ARHGEF26: variants seen among roughly 807,000 people sequenced by gnomAD.
The protein encoded by ARHGEF26 is Rho guanine nucleotide exchange factor (GEF) 26.
Under a neutral mutation model 89.4 loss-of-function variants are expected in ARHGEF26, and 59 were observed. The observed-to-expected ratio is 0.66, with a 90% CI of 0.54 to 0.82. The LOEUF is 0.82. Ranked by LOEUF, ARHGEF26 falls within the 40% of genes least tolerant of loss-of-function variation. ARHGEF26 has a pLI of 0.00. For synonymous variants in ARHGEF26, 500 were observed against 428.4 expected, an observed-to-expected ratio of 1.17 and a Z score of -2.06; for missense variants, 1,234 against 1,085.6, an observed-to-expected ratio of 1.14 and a Z score of -1.92.
rs191213326 is a variant in ARHGEF26 at position 154,221,440 on chromosome 3, T to C, written c.1935+3482T>C. ...TGGCAATAACTATCAAAATTACAAATGCAAGTTACTACAACTCAGCAATTT... is the reference window on the plus strand; with the variant it reads ...TGGCAATAACTATCAAAATTACAAACGCAAGTTACTACAACTCAGCAATTT... On this transcript the variant is annotated intron_variant, in intron 10 of 14. Coordinates refer to ENST00000465093, the MANE Select transcript of ARHGEF26 (RefSeq NM_015595.4). 6.0e-3 allele frequency among the ~76,000 whole-genome samples: 913 copies of C among 152,314 alleles called. 7 individuals are homozygous for C. Among genetic ancestry groups the C allele is most frequent in the African/African-American group, 0.021 (858 of 41,560 alleles).
intron 10 of ARHGEF26, among the ~76,000 whole-genome samples, chr3:154,220,058 C>T (rs567012588): frequency 2.0e-5 from 3 of 152,282 alleles, no homozygotes; most frequent in Admixed American, 6.5e-5. Context: ...ATTTAGAACA[C>T]TTAGAATTAC....
At chr3:154,125,885 C>G (rs1718300298) in intron 3 of ARHGEF26, among the ~76,000 whole-genome samples, 1 of 152,004 alleles carries the variant, frequency 6.6e-6, no homozygotes, top group Admixed American at 6.6e-5. Flanking sequence ...TGGTGAGAAT[C>G]TGTGATATTA....
intron 6 of ARHGEF26, among the ~76,000 whole-genome samples, chr3:154,177,513 G>T (rs1442001201): frequency 6.6e-6 from 1 of 152,162 alleles, no homozygotes; most frequent in South Asian, 2.1e-4. Flanking sequence ...TGTGACTGGG[G>T]TGGGGGACAT....
Position 154,198,484 on chromosome 3 carries a change from C to T in ARHGEF26, c.1845+3766C>T, listed in dbSNP as rs970811503. Among the ~76,000 whole-genome samples, 6 of 152,232 alleles carry T rather than the reference C, an allele frequency of 3.9e-5. No homozygotes were observed. In the East Asian group the frequency reaches 5.8e-4, roughly 15 times the overall value. On this transcript the variant is annotated intron_variant, in intron 9 of 14. Transcript: ENST00000465093. Reference sequence around the variant, plus strand: ...AAAAATATGGAACTAATCCAAATGTCCATCAACCAATGAATGGGTAAAGGA... The same window carrying T: ...AAAAATATGGAACTAATCCAAATGTTCATCAACCAATGAATGGGTAAAGGA...
intron 9 of ARHGEF26, among the ~76,000 whole-genome samples, chr3:154,206,701 A>C (rs1175433478): frequency 1.3e-5 from 2 of 152,202 alleles, no homozygotes; most frequent in Non-Finnish European, 2.9e-5. Flanking sequence ...AGCAATTTAT[A>C]GATTCAATGC....
At chr3:154,231,769 A>G (rs940798215) in intron 11 of ARHGEF26, among the ~76,000 whole-genome samples, 3 of 152,286 alleles carry the variant, frequency 2.0e-5, no homozygotes, top group Admixed American at 2.0e-4. Flanking sequence ...TTAGGAATAA[A>G]TGCCTTTAAC....
At chr3:154,213,805 G>A (rs1715554505) in intron 9 of ARHGEF26, among the ~76,000 whole-genome samples, 1 of 152,014 alleles carries the variant, frequency 6.6e-6, no homozygotes, top group African/African-American at 2.4e-5. Flanking sequence ...TGAATAAATT[G>A]TTTCTTTTTT....
intron 6 of ARHGEF26, among the ~76,000 whole-genome samples, chr3:154,164,432 T>G (rs1429720771): frequency 8.6e-6 from 1 of 116,156 alleles, no homozygotes; most frequent in Admixed American, 1.0e-4. Flanking sequence ...TGAATGGTAT[T>G]TGTTAAAGAA....
At chr3:154,216,235 A>AT (rs1035628704) in intron 9 of ARHGEF26, among the ~76,000 whole-genome samples, 34 of 150,764 alleles carry the variant, frequency 2.3e-4, no homozygotes, top group Middle Eastern at 3.2e-3. Flanking sequence ...TAATATGGGC[A>AT]TTTTTTTTTC....
chr3:154,181,243 A>G (rs1054979023), intron 6 of ARHGEF26, among the ~76,000 whole-genome samples: 7 of 152,194 alleles, frequency 4.6e-5, no homozygotes, highest in Non-Finnish European at 7.4e-5. Flanking sequence ...AGCAGCACAT[A>G]CTTCGCTGCC....
At chr3:154,186,163 A>C (rs1386852296) in intron 6 of ARHGEF26, among the ~76,000 whole-genome samples, 1 of 150,824 alleles carries the variant, frequency 6.6e-6, no homozygotes, top group African/African-American at 2.5e-5. Flanking sequence ...ACACACACAC[A>C]CACCCCTATA....
intron 6 of ARHGEF26, among the ~76,000 whole-genome samples, chr3:154,179,486 C>G (rs539104081): frequency 3.0e-4 from 46 of 152,296 alleles, no homozygotes; most frequent in Non-Finnish European, 5.3e-4. Context: ...GTGTGCAGTC[C>G]TGCAGCAGGG....
intron 9 of ARHGEF26, among the ~76,000 whole-genome samples, chr3:154,209,021 T>C (rs1437887001): frequency 6.6e-6 from 1 of 151,866 alleles, no homozygotes; most frequent in African/African-American, 2.4e-5. Flanking sequence ...CCCACCTCGG[T>C]CTCCCAAAAT....
intron 4 of ARHGEF26, among the ~76,000 whole-genome samples, chr3:154,140,588 CTTTT>C (rs34090306): frequency 1.5e-5 from 2 of 134,922 alleles, no homozygotes; most frequent in Admixed American, 7.5e-5. Flanking sequence ...TTTCTGAGTG[CTTTT>C]TTTTTTTTTT....
intron 11 of ARHGEF26, among the ~76,000 whole-genome samples, chr3:154,237,538 T>TCACACACGCA (rs1553751371): frequency 7.0e-6 from 1 of 143,202 alleles, no homozygotes; most frequent in Non-Finnish European, 1.5e-5. Context: ...TGAGACTCCG[T>TCACACACGCA]CACACACACA....
At chr3:154,225,800 T>C in intron 10 of ARHGEF26, 56 bp from the exon 11 acceptor site, 1 of 1,529,656 alleles carries the variant, frequency 6.5e-7, no homozygotes, top group Non-Finnish European at 8.8e-7. Context: ...TTACTTTCAG[T>C]AAACTTAAAA....
chr3:154,127,769 T>C (rs1718423694), intron 3 of ARHGEF26, among the ~76,000 whole-genome samples: 1 of 148,260 alleles, frequency 6.7e-6, no homozygotes, highest in South Asian at 2.1e-4. Flanking sequence ...TACAATCGGT[T>C]TGTTTACACC....
In ARHGEF26 at chr3:154,207,311, AACAG is replaced by A. The variant is rs1204264317; in HGVS notation, c.1846-10553_1846-10550del. On this transcript the variant is annotated intron_variant, in intron 9 of 14. Transcript: ENST00000465093. ...AGCAAAGGAAACTCTCAACAGAGTA[AACAG>A]ACAGCCTACAGAATGGGAGAAAATT... Among the ~76,000 whole-genome samples, 19 of 152,326 alleles carry A rather than the reference AACAG, an allele frequency of 1.2e-4. No homozygotes were observed. In the South Asian group the frequency reaches 2.9e-3, roughly 23 times the overall value.
At chr3:154,252,826 T>C (rs1403893348) in intron 12 of ARHGEF26, among the ~76,000 whole-genome samples, 3 of 152,240 alleles carry the variant, frequency 2.0e-5, no homozygotes, top group Middle Eastern at 3.2e-3. Context: ...GGAGTTATAA[T>C]GTGTTCGTGT....
Sources: allele counts gnomAD v4.1 joint callset (sites outside exome capture counted in the v4.1 genomes callset), GRCh38; gene constraint gnomAD v4.1.1; transcripts MANE v1.5; gene names NCBI Gene and HGNC (gene_info 2026-07-23, HGNC 2026-07-21).